ITGB3: variants seen among roughly 807,000 people sequenced by gnomAD.
ITGB3 encodes the protein integrin beta-3.
ITGB3 carries 48 observed loss-of-function variants against 85.8 expected under a neutral mutation model. The ratio of observed to expected loss-of-function variants is 0.56; its 90% CI spans 0.44 to 0.71. The LOEUF is 0.71. Among genes scored for constraint, ITGB3 ranks in the 30% least tolerant of loss-of-function variants. The probability of loss-of-function intolerance (pLI) is 0.00; values close to 1 mark genes in which losing one functional copy is unlikely to be tolerated. For synonymous variants in ITGB3, 363 were observed against 395.6 expected (o/e 0.92, Z 0.98); for missense variants, 861 against 1,019.1 (o/e 0.84, Z 2.11).
rs747621401 is a variant in ITGB3, at chr17:47,287,138, AGC to A, written c.847_848del (p.Ala283IlefsTer12). On this transcript the variant is annotated frameshift_variant, in exon 6 of 15. Coordinates refer to ENST00000559488, the MANE Select transcript of ITGB3 (RefSeq NM_000212.3). LOFTEE classifies it high-confidence loss of function. Reference protein sequence around the residue: ...VFTTDAKTHIALDGRLAGIVQ... With the variant: ...VFTTDAKTHIXLDGRLAGIVQ... ...TTACCACTGATGCCAAGACTCATAT[AGC>A]ATTGGACGGAAGGCTGGCAGGCATT... 1 of 1,613,964 alleles carries A rather than the reference AGC, an allele frequency of 6.2e-7. No homozygotes were observed. Among genetic ancestry groups the A allele is most frequent in the Non-Finnish European group, 8.5e-7 (1 of 1,179,960 alleles).
rs145701909 is a variant in ITGB3 at position 47,296,390 on chromosome 17, T to C, written c.1691-2918T>C. Among the ~76,000 whole-genome samples the C allele has an allele frequency of 9.3e-3, 1,410 of 152,282 alleles. 10 individuals carry two copies. The highest frequency in any genetic ancestry group is 0.014 in the Non-Finnish European group (968 of 68,012). On this transcript the variant is annotated intron_variant, in intron 10 of 14. Coordinates refer to ENST00000559488, the MANE Select transcript of ITGB3 (RefSeq NM_000212.3). ...CTAGGACTACAGGCTCTTGCCATCA[T>C]GCCCGGATAATTTTTTAAAAATTTG... is the stretch of plus-strand genomic sequence containing the variant.
Position 47,290,802 on chromosome 17 carries a change from C to T in ITGB3, c.1126-152C>T, listed in dbSNP as rs983279413. ...CAGGAAACAGAGTCCTAGGGGTGCT[C>T]CGGCAGCTTCCAGGTCAAACCTTGG... On this transcript the variant is annotated intron_variant, in intron 8 of 14. Transcript: ENST00000559488. 1.8e-5 allele frequency: 15 copies of T among 852,786 alleles called. No individual in the cohort carries two copies. The African/African-American group carries it at 2.0e-4, about 11-fold the overall frequency. The allele number at this position is 852,786 out of a possible 1,614,324, so 52.8% of individuals were successfully genotyped here.
intron 4 of ITGB3, 79 bp downstream of exon 4, chr17:47,284,774 A>C: frequency 1.3e-6 from 2 of 1,582,818 alleles, no homozygotes; most frequent in Non-Finnish European, 1.7e-6. Context: ...TTCTAGCTCT[A>C]GGATCACTTT....
At chr17:47,263,048 G>T (rs1350026437) in intron 1 of ITGB3, among the ~76,000 whole-genome samples, 1 of 152,160 alleles carries the variant, frequency 6.6e-6, no homozygotes, top group Non-Finnish European at 1.5e-5. Context: ...AAGAGGCACT[G>T]GGCCTTGGAG....
Position 47,299,610 on chromosome 17 carries a change from T to A in ITGB3, c.1913+80T>A. The A allele has an allele frequency of 7.6e-7, 1 of 1,310,476 alleles. No individual in the cohort carries two copies. Among genetic ancestry groups the A allele is most frequent in the South Asian group, 1.2e-5 (1 of 80,898 alleles). 81.2% of individuals were successfully genotyped at this position (1,310,476 alleles called of 1,614,324 possible). ...TGACTAGAATCCCCAGCTCTCCAGG[T>A]GTGTTTCTTGCTCACCAGAGCCTTA... On this transcript the variant is annotated intron_variant, in intron 11 of 14. Transcript: ENST00000559488. This position sits in a 1 kb window ranked among gnomAD's most constrained non-coding sequence, Gnocchi z 5.1.
intron 1 of ITGB3, among the ~76,000 whole-genome samples, chr17:47,255,278 C>T (rs569158661): frequency 6.6e-6 from 1 of 152,086 alleles, no homozygotes; most frequent in African/African-American, 2.4e-5. Flanking sequence ...CGCACCTGGC[C>T]AGGATTTATT....
Position 47,284,493 on chromosome 17 carries a change from G to A in ITGB3, c.412G>A (p.Val138Met), listed in dbSNP as rs2065095545. 6.2e-7 allele frequency: 1 copy of A among 1,614,146 alleles called. No individual in the cohort carries two copies. Reference protein sequence around the residue: ...IQVRQVEDYPVDIYYLMDLSY... With the variant: ...IQVRQVEDYPMDIYYLMDLSY... ...AGTGCGGCAGGTGGAGGATTACCCT[G>A]TGGACATCTACTACTTGATGGACCT... is the stretch of plus-strand genomic sequence containing the variant. Residue 138 changes from valine (V) to methionine (M), a missense_variant, in exon 4 of 15, where the codon GTG (valine) becomes ATG (methionine). By Grantham distance (21) the Val-to-Met change is conservative. Transcript: ENST00000559488.
At chr17:47,297,974 T>G (rs138645281) in intron 10 of ITGB3, among the ~76,000 whole-genome samples, 91 of 152,050 alleles carry the variant, frequency 6.0e-4, no homozygotes, top group African/African-American at 2.2e-3. Context: ...GTTTGGAAAG[T>G]AGATACACAT....
chr17:47,301,407 GA>G (rs1365283571), intron 12 of ITGB3, among the ~76,000 whole-genome samples: 3 of 152,194 alleles, frequency 2.0e-5, no homozygotes, highest in African/African-American at 7.2e-5. Flanking sequence ...TTATAGAAAA[GA>G]GTCAGCTCTC....
At chr17:47,300,980 C>CT (rs1300046947) in intron 12 of ITGB3, among the ~76,000 whole-genome samples, 4 of 152,318 alleles carry the variant, frequency 2.6e-5, no homozygotes, top group African/African-American at 9.6e-5. Context: ...ACCAAGTTTA[C>CT]TTAACTAAAA....
In ITGB3 at chr17:47,289,610, T is replaced by C. The variant is rs565784640; in HGVS notation, c.940-71T>C. The C allele has an allele frequency of 2.7e-6, 3 of 1,103,466 alleles. No homozygotes were observed. The Admixed American group carries it at 5.1e-5, about 19-fold the overall frequency. 68.4% of individuals were successfully genotyped at this position (1,103,466 alleles called of 1,614,324 possible). On this transcript the variant is annotated intron_variant, in intron 6 of 14. Transcript: ENST00000559488. ...ACTCTGAGCCACAGCCCAAGCAAGATAAGTTCTAAGCTTTAGACCCTAGAG... is the reference window on the plus strand; with the variant it reads ...ACTCTGAGCCACAGCCCAAGCAAGACAAGTTCTAAGCTTTAGACCCTAGAG...
At position 47,310,277 on chromosome 17, in the gene ITGB3, G is replaced by A; in HGVS notation, c.*73G>A. 7.0e-7 allele frequency: 1 copy of A among 1,431,750 alleles called. No individual in the cohort carries two copies. The highest frequency in any genetic ancestry group is 2.3e-5 in the East Asian group (1 of 44,044). The allele number at this position is 1,431,750 out of a possible 1,614,324, so 88.7% of individuals were successfully genotyped here. On this transcript the variant is annotated 3_prime_UTR_variant, in exon 15 of 15. Coordinates refer to ENST00000559488, the MANE Select transcript of ITGB3 (RefSeq NM_000212.3). ...AGGAGTCCCTGCCATCATGTTTACA[G>A]AGGACAGTATTTGTGGGGAGGGATT... is the stretch of plus-strand genomic sequence containing the variant.
chr17:47,291,542 A>C, intron 9 of ITGB3: 1 of 285,564 alleles, frequency 3.5e-6, no homozygotes, highest in Admixed American at 4.9e-5. Flanking sequence ...CTTCTGCCTA[A>C]GGGGAGAGGG....
chr17:47,308,946 TCCCTC>T (rs1333716917), intron 14 of ITGB3, among the ~76,000 whole-genome samples: 180 of 138,814 alleles, frequency 1.3e-3, no homozygotes, highest in Middle Eastern at 3.8e-3. Flanking sequence ...CCTCTCCCAT[TCCCTC>T]CCCTCCCCTC....
intron 1 of ITGB3, among the ~76,000 whole-genome samples, chr17:47,266,183 A>G (rs1470415914): frequency 6.6e-6 from 1 of 152,128 alleles, no homozygotes; most frequent in Non-Finnish European, 1.5e-5. Flanking sequence ...GTGAGCAGTC[A>G]AAGGTCAGTG....
In ITGB3 at chr17:47,299,164, C is replaced by T. The variant is rs559238098; in HGVS notation, c.1691-144C>T. 56 of 791,670 alleles carry T rather than the reference C, an allele frequency of 7.1e-5. No individual in the cohort carries two copies. The highest frequency in any genetic ancestry group is 1.1e-4 in the Non-Finnish European group (54 of 471,570). The allele number at this position is 791,670 out of a possible 1,614,324, so 49.0% of individuals were successfully genotyped here. On this transcript the variant is annotated intron_variant, in intron 10 of 14. Transcript: ENST00000559488. This position sits in a 1 kb window ranked among gnomAD's most constrained non-coding sequence, Gnocchi z 5.1. ...GAGTTTGTCCCTGCTGGGTAGGACT[C>T]CCCTGGGTGGTGAGCCAATTCCCTG...
intron 1 of ITGB3, among the ~76,000 whole-genome samples, chr17:47,261,676 C>T (rs994343418): frequency 2.2e-4 from 33 of 152,240 alleles, no homozygotes; most frequent in Admixed American, 2.0e-3. Context: ...TTTGCCACCA[C>T]GCCCAGCTAA....
chr17:47,291,069 G>A lies in ITGB3; in HGVS notation c.1241G>A (p.Gly414Glu). 1 of 1,614,150 alleles carries A rather than the reference G, an allele frequency of 6.2e-7. No homozygotes were observed. Among genetic ancestry groups the A allele is most frequent in the Non-Finnish European group, 8.5e-7 (1 of 1,180,024 alleles). Residue 414 changes from glycine (G) to glutamate (E), a missense_variant, in exon 9 of 15, where the codon GGA (glycine) becomes GAA (glutamate). Gly to Glu is a moderately conservative substitution (Grantham distance 98, BLOSUM62 -2). Coordinates refer to ENST00000559488, the MANE Select transcript of ITGB3 (RefSeq NM_000212.3). ...EVIPGLKSCM[G>E]LKIGDTVSFS... is the part of the protein sequence containing the mutation. ...ATCCCTGGCCTCAAGTCTTGTATGG[G>A]ACTCAAGATTGGAGACACGGTGAGG...
intron 1 of ITGB3, among the ~76,000 whole-genome samples, chr17:47,262,473 G>T (rs895298361): frequency 6.6e-6 from 1 of 152,114 alleles, no homozygotes; most frequent in Non-Finnish European, 1.5e-5. Context: ...CTTGTTTGAG[G>T]GTTCTCATGC....
Sources: gnomAD v4.1 joint callset for allele counts (sites outside exome capture counted in the v4.1 genomes callset) on GRCh38, gnomAD v4.1.1 for gene constraint, Gnocchi (gnomAD v3.1) non-coding constraint, MANE v1.5 for transcripts, NCBI Gene and HGNC (gene_info 2026-07-23, HGNC 2026-07-21) for gene names.